DNAH12: variants seen among roughly 807,000 people sequenced by gnomAD.
DNAH12 encodes dynein axonemal heavy chain 12.
Under a neutral mutation model 371.5 loss-of-function variants are expected in DNAH12, and 285 were observed. That is an observed-to-expected ratio of 0.77 (90% CI 0.70 to 0.85). DNAH12 has a LOEUF of 0.85. Ranked by LOEUF, DNAH12 falls within the 40% of genes least tolerant of loss-of-function variation. The pLI, the probability that DNAH12 is intolerant of heterozygous loss-of-function variation, is 0.00. For synonymous variants in DNAH12, 1,200 were observed against 1,213.0 expected, an observed-to-expected ratio of 0.99 and a Z score of 0.22; for missense variants, 3,611 against 3,689.4, an observed-to-expected ratio of 0.98 and a Z score of 0.55.
At chr3:57,490,408 ACTT>A (rs2153385734) in intron 11 of DNAH12, among the ~76,000 whole-genome samples, 1 of 152,326 alleles carries the variant, frequency 6.6e-6, no homozygotes, top group South Asian at 2.1e-4. Context: ...ATGTATGTCA[ACTT>A]CTTAGTGCCC....
intron 22 of DNAH12, among the ~76,000 whole-genome samples, chr3:57,455,765 A>G (rs2065886891): frequency 6.6e-6 from 1 of 152,296 alleles, no homozygotes; most frequent in Admixed American, 6.5e-5. Flanking sequence ...TTGTTCAATT[A>G]TGCATAATTG....
At chr3:57,302,082 G>A (rs2061359451) in intron 69 of DNAH12, 143 bp from the exon 70 acceptor site, 2 of 749,226 alleles carry the variant, frequency 2.7e-6, no homozygotes, top group Non-Finnish European at 4.3e-6. Flanking sequence ...TGGTACGTGA[G>A]CTAATGTTAA....
At chr3:57,382,598 A>G (rs1327579783) in intron 49 of DNAH12, among the ~76,000 whole-genome samples, 2 of 152,092 alleles carry the variant, frequency 1.3e-5, no homozygotes, top group East Asian at 3.8e-4. Context: ...ATGGTTCTCA[A>G]ATGTTGGGAG....
At position 57,509,735 on chromosome 3, in the gene DNAH12, G is replaced by A. The variant is rs550515328; in HGVS notation, c.470-523C>T. On this transcript the variant is annotated intron_variant, in intron 5 of 73. Coordinates refer to ENST00000495027, the MANE Select transcript of DNAH12 (RefSeq NM_001366028.2). ...AAATTAGCTGGGCATGGTGGCAGGC[G>A]CCTGTAGTCCCAGCTACTTGGGAGG... Among the ~76,000 whole-genome samples, 20 of 151,696 alleles carry A rather than the reference G, an allele frequency of 1.3e-4. No homozygotes were observed. In the South Asian group the frequency reaches 2.3e-3, roughly 17 times the overall value.
intron 11 of DNAH12, among the ~76,000 whole-genome samples, chr3:57,493,253 AGCAGATT>A (rs2067193853): frequency 6.6e-6 from 1 of 152,212 alleles, no homozygotes; most frequent in African/African-American, 2.4e-5. Flanking sequence ...ATCAACTAAC[AGCAGATT>A]GAAAATATTT....
At chr3:57,478,003 A>G (rs1207058282) in intron 13 of DNAH12, among the ~76,000 whole-genome samples, 1 of 152,230 alleles carries the variant, frequency 6.6e-6, no homozygotes, top group East Asian at 1.9e-4. Context: ...TGTAAACTCT[A>G]AAAATCAGAG....
At chr3:57,478,103 G>C (rs1559701915) in intron 13 of DNAH12, among the ~76,000 whole-genome samples, 3 of 152,176 alleles carry the variant, frequency 2.0e-5, no homozygotes, top group East Asian at 1.9e-4. Flanking sequence ...AGAGAAGAAG[G>C]CTTCAGATGA....
chr3:57,371,079 C>T (rs917646978), intron 55 of DNAH12, among the ~76,000 whole-genome samples: 1 of 152,052 alleles, frequency 6.6e-6, no homozygotes, highest in African/African-American at 2.4e-5. Context: ...TAAATTTATA[C>T]CACCTGCATG....
chr3:57,453,924 G>A (rs2065830074), intron 23 of DNAH12, among the ~76,000 whole-genome samples: 1 of 151,934 alleles, frequency 6.6e-6, no homozygotes, highest in Non-Finnish European at 1.5e-5. Flanking sequence ...GCCTGGCAAA[G>A]CAGAGAGACC....
intron 43 of DNAH12, among the ~76,000 whole-genome samples, chr3:57,394,984 T>C (rs1575540459): frequency 6.6e-6 from 1 of 152,170 alleles, no homozygotes; most frequent in East Asian, 1.9e-4. Context: ...TGTCAGTAGT[T>C]TGTAAAACAT....
chr3:57,419,590 G>A (rs957580713), intron 36 of DNAH12, 72 bp from the exon 37 acceptor site: 11 of 1,129,484 alleles, frequency 9.7e-6, no homozygotes, highest in East Asian at 3.2e-5. Flanking sequence ...TTTTCAACAT[G>A]TATACTATTA....
At chr3:57,450,006 G>A (rs1469376760) in intron 25 of DNAH12, among the ~76,000 whole-genome samples, 1 of 152,234 alleles carries the variant, frequency 6.6e-6, no homozygotes, top group Non-Finnish European at 1.5e-5. Flanking sequence ...CCAACACTTT[G>A]GGAGGCATAG....
intron 30 of DNAH12, among the ~76,000 whole-genome samples, chr3:57,434,475 A>C (rs185448128): frequency 1.3e-5 from 2 of 152,282 alleles, no homozygotes; most frequent in Admixed American, 6.5e-5. Flanking sequence ...AATGAGAAAT[A>C]AATCTTTGTT....
chr3:57,444,241 ATACT>A (rs1482415690), intron 29 of DNAH12, among the ~76,000 whole-genome samples: 1 of 151,692 alleles, frequency 6.6e-6, no homozygotes, highest in Non-Finnish European at 1.5e-5. Context: ...AATAATAATA[ATACT>A]TATTCTCTTA....
At chr3:57,348,700 T>G (rs537763940) in intron 60 of DNAH12, among the ~76,000 whole-genome samples, 16 of 152,300 alleles carry the variant, frequency 1.1e-4, no homozygotes, top group African/African-American at 3.8e-4. Context: ...TGAAACATTA[T>G]AGAGTGAAAT....
intron 35 of DNAH12, among the ~76,000 whole-genome samples, chr3:57,423,185 A>G (rs967490111): frequency 2.6e-5 from 4 of 152,152 alleles, no homozygotes; most frequent in African/African-American, 9.7e-5. Flanking sequence ...CTAGATATCA[A>G]TCTGTATAAC....
chr3:57,434,909 G>T (rs2065071758), intron 30 of DNAH12, among the ~76,000 whole-genome samples: 1 of 152,112 alleles, frequency 6.6e-6, no homozygotes, highest in African/African-American at 2.4e-5. Flanking sequence ...GAATGAAAGA[G>T]GGAGTCCAGA....
intron 4 of DNAH12, among the ~76,000 whole-genome samples, chr3:57,514,645 C>G (rs1472243470): frequency 1.3e-5 from 2 of 151,930 alleles, no homozygotes; most frequent in African/African-American, 4.8e-5. Context: ...TGGTATAGTT[C>G]TGATTTTAAA....
At chr3:57,514,330 G>T (rs1176293458) in intron 4 of DNAH12, among the ~76,000 whole-genome samples, 3 of 151,126 alleles carry the variant, frequency 2.0e-5, no homozygotes, top group African/African-American at 7.3e-5. Flanking sequence ...GGAGGCAGAG[G>T]TTGCAGTGAG....
Sources: gnomAD v4.1 joint callset for allele counts (sites outside exome capture counted in the v4.1 genomes callset) on GRCh38, gnomAD v4.1.1 for gene constraint, MANE v1.5 for transcripts, NCBI Gene and HGNC (gene_info 2026-07-23, HGNC 2026-07-21) for gene names.